The following PPP3CA variants were observed in gnomAD, a reference collection of about 807,000 sequenced individuals.
PPP3CA encodes protein phosphatase 3 catalytic subunit alpha.
A neutral mutation model predicts 66.5 loss-of-function variants in PPP3CA; 14 were observed. That is an observed-to-expected ratio of 0.21 (90% CI 0.14 to 0.33). The LOEUF (loss-of-function observed/expected upper bound fraction) is 0.33, where lower values mean the gene tolerates loss of function less well. PPP3CA is among the 10% of genes least tolerant of loss of function. The pLI, the probability that PPP3CA is intolerant of heterozygous loss-of-function variation, is 1.00. For synonymous variants in PPP3CA, 232 were observed against 226.2 expected (o/e 1.03, Z -0.23); for missense variants, 317 against 639.5 (o/e 0.50, Z 5.44).
intron 2 of PPP3CA, among the ~76,000 whole-genome samples, chr4:101,178,424 C>T (rs1419583468): frequency 6.6e-6 from 1 of 152,088 alleles, no homozygotes; most frequent in Non-Finnish European, 1.5e-5. Context: ...AAAAGACTTA[C>T]CTTTACATCT....
intron 2 of PPP3CA, among the ~76,000 whole-genome samples, chr4:101,130,753 G>A (rs535727561): frequency 6.4e-4 from 97 of 152,216 alleles, no homozygotes; most frequent in Admixed American, 2.6e-3. Context: ...ACTAAATATC[G>A]AAAGGAAAAA....
At chr4:101,224,526 G>A (rs1050793575) in intron 1 of PPP3CA, among the ~76,000 whole-genome samples, 4 of 151,638 alleles carry the variant, frequency 2.6e-5, no homozygotes, top group African/African-American at 9.7e-5. Context: ...ATTTCAAAAT[G>A]TCATTGCTAG....
At chr4:101,191,056 T>C (rs1724586009) in intron 2 of PPP3CA, among the ~76,000 whole-genome samples, 1 of 152,214 alleles carries the variant, frequency 6.6e-6, no homozygotes, top group South Asian at 2.1e-4. Flanking sequence ...GTCTTCAGCT[T>C]ACCCGCTATG....
chr4:101,214,760 A>C (rs1335318811), intron 1 of PPP3CA, among the ~76,000 whole-genome samples: 2 of 152,158 alleles, frequency 1.3e-5, no homozygotes, highest in Non-Finnish European at 2.9e-5. Context: ...ATCTCACTGA[A>C]ATAATCAGTG....
chr4:101,111,620 T>C (rs1262436612), intron 2 of PPP3CA, among the ~76,000 whole-genome samples: 1 of 151,940 alleles, frequency 6.6e-6, no homozygotes, highest in East Asian at 1.9e-4. Flanking sequence ...TTTAAAGGCC[T>C]AGTCTCTGGA....
At chr4:101,158,467 T>C (rs1045863401) in intron 2 of PPP3CA, 1 of 152,242 alleles carries the variant, frequency 6.6e-6, no homozygotes, top group Non-Finnish European at 1.5e-5. Context: ...AATTTTTTGT[T>C]GTTGAGGTTC....
intron 1 of PPP3CA, among the ~76,000 whole-genome samples, chr4:101,338,514 G>A (rs1729707150): frequency 6.6e-6 from 1 of 152,208 alleles, no homozygotes; most frequent in South Asian, 2.1e-4. Flanking sequence ...CTGTGCTAGA[G>A]CTAAAGACAC....
At chr4:101,250,649 G>T (rs981041245) in intron 1 of PPP3CA, among the ~76,000 whole-genome samples, 12 of 152,178 alleles carry the variant, frequency 7.9e-5, no homozygotes, top group African/African-American at 2.9e-4. Context: ...GATTAAAACT[G>T]TAACTTTTAC....
In PPP3CA at chr4:101,043,179, G is replaced by C. The variant is rs72681032; in HGVS notation, c.1157-2613C>G. Among the ~76,000 whole-genome samples, 1,486 of 152,016 alleles carry C rather than the reference G, an allele frequency of 9.8e-3. 8 individuals carry two copies. The highest frequency in any genetic ancestry group is 0.015 in the Non-Finnish European group (1,003 of 67,978). On this transcript the variant is annotated intron_variant, in intron 10 of 13. Transcript: ENST00000394854. ...AATAAAACTTCATGTATTTAAGTGA[G>C]GTGAGAGGAGGAACATATAAAATCA...
chr4:101,263,632 T>C (rs956710587), intron 1 of PPP3CA, among the ~76,000 whole-genome samples: 4 of 151,512 alleles, frequency 2.6e-5, no homozygotes, highest in African/African-American at 7.3e-5. Context: ...AATGGGAAAA[T>C]GCAACACCCT....
chr4:101,075,473 C>A (rs1361701785), intron 8 of PPP3CA, among the ~76,000 whole-genome samples: 4 of 152,128 alleles, frequency 2.6e-5, no homozygotes, highest in Non-Finnish European at 5.9e-5. Flanking sequence ...ACATATGTAT[C>A]TAACTACTCA....
At chr4:101,125,938 A>T (rs1433450645) in intron 2 of PPP3CA, among the ~76,000 whole-genome samples, 2 of 152,150 alleles carry the variant, frequency 1.3e-5, no homozygotes, top group Non-Finnish European at 2.9e-5. Flanking sequence ...CTTTCAATGG[A>T]ACTTGCTTTC....
intron 3 of PPP3CA, among the ~76,000 whole-genome samples, chr4:101,105,216 G>C (rs1320817083): frequency 2.7e-5 from 4 of 150,234 alleles, no homozygotes; most frequent in Non-Finnish European, 5.9e-5. Context: ...TGCTAGGCTG[G>C]AGTGCAGTGG....
chr4:101,268,440 T>G (rs932402775), intron 1 of PPP3CA, among the ~76,000 whole-genome samples: 1 of 152,120 alleles, frequency 6.6e-6, no homozygotes. Context: ...ACAGTTTTTA[T>G]GGTGCCATAG....
At chr4:101,147,094 T>C (rs777542639) in intron 2 of PPP3CA, among the ~76,000 whole-genome samples, 11 of 152,192 alleles carry the variant, frequency 7.2e-5, no homozygotes, top group Non-Finnish European at 1.5e-4. Context: ...ACAGATCACA[T>C]AGCTAATAAG....
At chr4:101,081,088 G>A (rs1235007841) in intron 7 of PPP3CA, among the ~76,000 whole-genome samples, 1 of 152,040 alleles carries the variant, frequency 6.6e-6, no homozygotes, top group Non-Finnish European at 1.5e-5. Flanking sequence ...ACAATATTCT[G>A]TAAAGCATTT....
At chr4:101,027,307 C>A (rs935652219) in intron 13 of PPP3CA, among the ~76,000 whole-genome samples, 2 of 151,732 alleles carry the variant, frequency 1.3e-5, no homozygotes, top group Non-Finnish European at 2.9e-5. Flanking sequence ...ACTTTACCAG[C>A]CACTCCTACA....
At chr4:101,215,558 T>C (rs1725427846) in intron 1 of PPP3CA, among the ~76,000 whole-genome samples, 3 of 152,064 alleles carry the variant, frequency 2.0e-5, no homozygotes. Flanking sequence ...CTTAATTTGT[T>C]ACAGTGAAAG....
At chr4:101,200,293 T>C (rs1724927520) in intron 1 of PPP3CA, among the ~76,000 whole-genome samples, 1 of 152,198 alleles carries the variant, frequency 6.6e-6, no homozygotes, top group African/African-American at 2.4e-5. Flanking sequence ...TCAAGCCTTC[T>C]AAATCCAGTC....
Sources: allele counts gnomAD v4.1 joint callset (sites outside exome capture counted in the v4.1 genomes callset), GRCh38; gene constraint gnomAD v4.1.1; transcripts MANE v1.5; gene names NCBI Gene and HGNC (gene_info 2026-07-23, HGNC 2026-07-21).